PKN2: variants seen among roughly 807,000 people sequenced by gnomAD.
The protein encoded by PKN2 is serine/threonine-protein kinase N2.
Under a neutral mutation model 119.1 loss-of-function variants are expected in PKN2, and 38 were observed. That is an observed-to-expected ratio of 0.32 (90% CI 0.25 to 0.42). The LOEUF (loss-of-function observed/expected upper bound fraction) is 0.42, where lower values mean the gene tolerates loss of function less well. Among genes scored for constraint, PKN2 ranks in the 10% least tolerant of loss-of-function variants. PKN2 has a pLI of 1.00. For missense variants in PKN2, 850 were observed against 1,165.1 expected, an observed-to-expected ratio of 0.73 and a Z score of 3.94; for synonymous variants, 390 against 384.9, an observed-to-expected ratio of 1.01 and a Z score of -0.15.
At chr1:88,692,967 G>A (rs1666389355) in intron 1 of PKN2, among the ~76,000 whole-genome samples, 1 of 152,174 alleles carries the variant, frequency 6.6e-6, no homozygotes, top group African/African-American at 2.4e-5. Flanking sequence ...CTGGGGATTT[G>A]TAAACTATCC....
At chr1:88,725,994 T>C (rs1422058514) in intron 1 of PKN2, among the ~76,000 whole-genome samples, 1 of 152,212 alleles carries the variant, frequency 6.6e-6, no homozygotes, top group Non-Finnish European at 1.5e-5. Context: ...TTAACTTTGT[T>C]GTCTACACAG....
chr1:88,765,282 C>CAAAA (rs60307008), intron 3 of PKN2, among the ~76,000 whole-genome samples: 10 of 128,246 alleles, frequency 7.8e-5, no homozygotes, highest in African/African-American at 8.5e-5. Flanking sequence ...GACTTCATCT[C>CAAAA]AAAAAAAAAA....
intron 16 of PKN2, among the ~76,000 whole-genome samples, chr1:88,818,559 A>T (rs1003526054): frequency 7.9e-5 from 12 of 152,000 alleles, no homozygotes; most frequent in African/African-American, 2.9e-4. Flanking sequence ...GAGTCAGGAG[A>T]ATTGCTTGAA....
chr1:88,729,746 C>G (rs1318696027), intron 1 of PKN2, among the ~76,000 whole-genome samples: 1 of 152,158 alleles, frequency 6.6e-6, no homozygotes, highest in African/African-American at 2.4e-5. Flanking sequence ...GGTGTGAATG[C>G]AAAGAGGCAG....
intron 8 of PKN2, among the ~76,000 whole-genome samples, chr1:88,794,348 CAA>C (rs1386364026): frequency 2.1e-5 from 3 of 139,668 alleles, no homozygotes; most frequent in Non-Finnish European, 4.6e-5. Context: ...GCCTGGGCAA[CAA>C]GAGCGAAATT....
intron 6 of PKN2, among the ~76,000 whole-genome samples, chr1:88,772,572 A>G (rs1261053755): frequency 6.6e-6 from 1 of 152,124 alleles, no homozygotes; most frequent in Non-Finnish European, 1.5e-5. Flanking sequence ...TATTTGATTG[A>G]CCTATTTGTC....
intron 1 of PKN2, among the ~76,000 whole-genome samples, chr1:88,701,353 T>C (rs1666762538): frequency 2.0e-5 from 3 of 152,174 alleles, no homozygotes; most frequent in Non-Finnish European, 4.4e-5. Flanking sequence ...GTATTTTCTT[T>C]ACAGCTTGAG....
intron 16 of PKN2, among the ~76,000 whole-genome samples, chr1:88,818,305 C>T (rs938238413): frequency 6.6e-6 from 1 of 152,144 alleles, no homozygotes; most frequent in Non-Finnish European, 1.5e-5. Context: ...TTTATAGATT[C>T]AATGCTATCC....
At chr1:88,775,888 G>T (rs1288220463) in intron 6 of PKN2, among the ~76,000 whole-genome samples, 5 of 151,712 alleles carry the variant, frequency 3.3e-5, no homozygotes, top group Non-Finnish European at 1.5e-5. Context: ...GGTGGATCAC[G>T]AGGTCAGAAG....
chr1:88,830,872 A>G (rs994293126), intron 19 of PKN2, among the ~76,000 whole-genome samples: 9 of 152,150 alleles, frequency 5.9e-5, no homozygotes, highest in East Asian at 3.9e-4. Context: ...TCATAATTTT[A>G]TAGCATTAGT....
intron 2 of PKN2, among the ~76,000 whole-genome samples, chr1:88,743,889 C>G (rs1668666440): frequency 6.8e-6 from 1 of 146,662 alleles, no homozygotes; most frequent in Non-Finnish European, 1.5e-5. Flanking sequence ...TTAATACTGA[C>G]ATTTCAGATA....
chr1:88,802,753 A>G (rs1671372447), intron 8 of PKN2, among the ~76,000 whole-genome samples: 1 of 152,254 alleles, frequency 6.6e-6, no homozygotes, highest in African/African-American at 2.4e-5. Context: ...TCTTATTCAC[A>G]ATAAGACAAA....
intron 1 of PKN2, among the ~76,000 whole-genome samples, chr1:88,714,652 T>C (rs1363098398): frequency 6.6e-6 from 1 of 152,210 alleles, no homozygotes; most frequent in Non-Finnish European, 1.5e-5. Flanking sequence ...AAGTTACTTA[T>C]CAGGTTAAGG....
Position 88,684,603 on chromosome 1 carries a change from G to T in PKN2, c.23G>T (p.Gly8Val). The T allele has an allele frequency of 6.4e-7, 1 of 1,563,928 alleles. No individual in the cohort carries two copies. The highest frequency in any genetic ancestry group is 8.7e-7 in the Non-Finnish European group (1 of 1,155,522). ...GCAATGGCGTCCAACCCCGAACGGG[G>T]GGAGATTCTGCTCACGGAACTGCAG... Reference protein sequence around the residue: MASNPERGEILLTELQGD... With the variant: MASNPERVEILLTELQGD... Residue 8 changes from glycine to valine, a missense_variant, in exon 1 of 22, where the codon GGG becomes GTG. This residue lies in a region of PKN2 where 73 missense variants were observed against 61.2 expected (regional missense o/e 1.19). Coordinates refer to ENST00000370521, the MANE Select transcript of PKN2 (RefSeq NM_006256.4).
chr1:88,828,434 A>T (rs1473152280), intron 18 of PKN2, 47 bp from the exon 19 acceptor site: 5 of 1,510,320 alleles, frequency 3.3e-6, no homozygotes, highest in Admixed American at 3.8e-5. Context: ...TTTTTATGCT[A>T]GATTTGTTTT....
intron 2 of PKN2, 64 bp from the exon 3 acceptor site, chr1:88,760,158 T>C (rs1458738362): frequency 5.4e-6 from 5 of 928,916 alleles, no homozygotes; most frequent in Non-Finnish European, 8.4e-6. Flanking sequence ...TTGAAAAATA[T>C]TAACTTCCAA....
intron 16 of PKN2, among the ~76,000 whole-genome samples, chr1:88,818,727 G>A (rs575566830): frequency 1.3e-5 from 2 of 151,376 alleles, no homozygotes; most frequent in East Asian, 1.9e-4. Flanking sequence ...CCAAGACAAC[G>A]CTAAGCAAAA....
chr1:88,806,283 T>A (rs903953592), intron 12 of PKN2: 1 of 382,202 alleles, frequency 2.6e-6, no homozygotes, highest in Non-Finnish European at 4.8e-6. Context: ...CATTCTCCTA[T>A]CTCAGCCTCC....
At chr1:88,751,131 T>C (rs1229689994) in intron 2 of PKN2, among the ~76,000 whole-genome samples, 1 of 152,188 alleles carries the variant, frequency 6.6e-6, no homozygotes, top group African/African-American at 2.4e-5. Context: ...CTAATTTTTT[T>C]CCCCTATCCC....
Sources: gnomAD v4.1 joint callset for allele counts (sites outside exome capture counted in the v4.1 genomes callset) on GRCh38, gnomAD v4.1.1 for gene constraint, gnomAD v4.1.1 regional missense constraint, MANE v1.5 for transcripts, NCBI Gene and HGNC (gene_info 2026-07-23, HGNC 2026-07-21) for gene names.